Variants in SCMH1 observed in about 807,000 individuals in gnomAD.
SCMH1 encodes polycomb protein SCMH1.
In SCMH1, 37 loss-of-function variants were observed where a neutral mutation model predicts 70.8. That is an observed-to-expected ratio of 0.52 (90% confidence interval 0.40 to 0.69). The LOEUF is 0.69. SCMH1 is among the 30% of genes least tolerant of loss of function. The pLI is 0.00. For synonymous variants in SCMH1, 292 were observed against 307.4 expected (o/e 0.95, Z 0.52); for missense variants, 607 against 827.3 (o/e 0.73, Z 3.27).
At chr1:41,135,079 C>T (rs1481911119) in intron 6 of SCMH1, among the ~76,000 whole-genome samples, 2 of 152,034 alleles carry the variant, frequency 1.3e-5, no homozygotes, top group African/African-American at 4.8e-5. Flanking sequence ...ATGTTAAATC[C>T]TAATTCCTTT....
intron 12 of SCMH1, among the ~76,000 whole-genome samples, chr1:41,046,006 T>G (rs1646853477): frequency 6.6e-6 from 1 of 152,088 alleles, no homozygotes; most frequent in African/African-American, 2.4e-5. Flanking sequence ...AGGGAGCAAA[T>G]TTCTCAATCT....
intron 10 of SCMH1, among the ~76,000 whole-genome samples, chr1:41,069,851 T>G (rs962372486): frequency 1.3e-5 from 2 of 152,182 alleles, no homozygotes; most frequent in Admixed American, 6.5e-5. Flanking sequence ...TTCAGGCTCC[T>G]ACATTCTAGG....
intron 8 of SCMH1, among the ~76,000 whole-genome samples, chr1:41,078,523 A>G (rs1659047847): frequency 1.3e-5 from 2 of 152,192 alleles, no homozygotes; most frequent in Non-Finnish European, 2.9e-5. Flanking sequence ...GGAAATACAA[A>G]GATATATTTT....
chr1:41,241,859 G>A (rs912073926), intron 1 of SCMH1, among the ~76,000 whole-genome samples, 200 bp downstream of exon 1: 5 of 151,816 alleles, frequency 3.3e-5, no homozygotes, highest in Admixed American at 6.6e-5. Flanking sequence ...CGGGCTCGGG[G>A]CCGGGCTGAC....
At chr1:41,140,770 A>G (rs1401819692) in intron 6 of SCMH1, among the ~76,000 whole-genome samples, 1 of 152,222 alleles carries the variant, frequency 6.6e-6, no homozygotes, top group Admixed American at 6.5e-5. Flanking sequence ...GGCAAAAAAT[A>G]TATAAGATGA....
chr1:41,233,519 T>C (rs940518597), intron 1 of SCMH1, among the ~76,000 whole-genome samples: 1 of 152,208 alleles, frequency 6.6e-6, no homozygotes, highest in Non-Finnish European at 1.5e-5. Context: ...ATGGAGATGA[T>C]CTATTTTTAA....
At chr1:41,186,018 G>C in intron 2 of SCMH1, 103 bp downstream of exon 2, 1 of 1,281,000 alleles carries the variant, frequency 7.8e-7, no homozygotes, top group South Asian at 1.5e-5. Context: ...ATAAAGAAAA[G>C]GATAACGAGT....
intron 5 of SCMH1, among the ~76,000 whole-genome samples, chr1:41,150,687 A>G (rs1005842321): frequency 7.9e-5 from 12 of 152,126 alleles, no homozygotes; most frequent in African/African-American, 2.9e-4. Context: ...TTGTAATCCC[A>G]GCACTTTGGG....
intron 8 of SCMH1, among the ~76,000 whole-genome samples, chr1:41,088,266 C>T (rs1370787939): frequency 6.6e-6 from 1 of 151,902 alleles, no homozygotes; most frequent in Non-Finnish European, 1.5e-5. Context: ...AAAGTGATTG[C>T]TTAAAGAGGG....
intron 4 of SCMH1, 104 bp from the exon 5 acceptor site, chr1:41,151,788 G>T: frequency 1.5e-6 from 1 of 674,350 alleles, no homozygotes; most frequent in Non-Finnish European, 2.5e-6. Context: ...CTGGTTTTGA[G>T]CATAAAAAAT....
exon 11 of SCMH1, chr1:41,048,736 G>A (rs754513115): frequency 5.6e-6 from 9 of 1,613,982 alleles, no homozygotes; most frequent in African/African-American, 2.7e-5. Context: ...AGCTGAAGAC[G>A]GTTTTCTGGT....
At chr1:41,096,883 G>T (rs1302750046) in intron 8 of SCMH1, among the ~76,000 whole-genome samples, 17 of 152,102 alleles carry the variant, frequency 1.1e-4, no homozygotes, top group Admixed American at 1.0e-3. Context: ...CTATTAGATG[G>T]GACCAGCTGC....
chr1:41,055,004 A>C (rs892987953), intron 10 of SCMH1, among the ~76,000 whole-genome samples: 1 of 152,068 alleles, frequency 6.6e-6, no homozygotes, highest in Non-Finnish European at 1.5e-5. Flanking sequence ...GCTGGTCTTG[A>C]ACACATGGGC....
At chr1:41,142,152 C>T (rs747023822) in intron 6 of SCMH1, among the ~76,000 whole-genome samples, 3 of 151,620 alleles carry the variant, frequency 2.0e-5, no homozygotes, top group Non-Finnish European at 4.4e-5. Flanking sequence ...TGGGGGAAAA[C>T]GTTAAATAAG....
At chr1:41,083,612 T>C (rs1377084849) in intron 8 of SCMH1, among the ~76,000 whole-genome samples, 8 of 152,260 alleles carry the variant, frequency 5.3e-5, no homozygotes, top group Middle Eastern at 3.4e-3. Flanking sequence ...CTTCACAGAA[T>C]TGGAAAAAAC....
chr1:41,137,706 C>T (rs527974631), intron 6 of SCMH1, among the ~76,000 whole-genome samples: 37 of 152,346 alleles, frequency 2.4e-4, no homozygotes, highest in African/African-American at 8.7e-4. Context: ...GTTCCACCAA[C>T]ATAGCACCAC....
At chr1:41,049,352 A>G (rs898251230) in intron 10 of SCMH1, among the ~76,000 whole-genome samples, 1 of 151,308 alleles carries the variant, frequency 6.6e-6, no homozygotes, top group Non-Finnish European at 1.5e-5. Context: ...TTGGATTTAG[A>G]ATAGTTGCAC....
chr1:41,182,513 T>G (rs1293122721), intron 2 of SCMH1, among the ~76,000 whole-genome samples: 3 of 152,152 alleles, frequency 2.0e-5, no homozygotes, highest in African/African-American at 7.2e-5. Flanking sequence ...GCCCAGGAGT[T>G]CGAGAACAGT....
chr1:41,222,497 T>C (rs886751638), intron 1 of SCMH1, among the ~76,000 whole-genome samples: 1 of 152,164 alleles, frequency 6.6e-6, no homozygotes, highest in Non-Finnish European at 1.5e-5. Context: ...CTATACTAAC[T>C]CTTTATAACA....
Sources: gnomAD v4.1 joint callset for allele counts (sites outside exome capture counted in the v4.1 genomes callset) on GRCh38, gnomAD v4.1.1 for gene constraint, MANE v1.5 for transcripts, NCBI Gene and HGNC (gene_info 2026-07-23, HGNC 2026-07-21) for gene names.